REDIC1: variants seen among roughly 807,000 people sequenced by gnomAD.
The protein encoded by REDIC1 is HEI10 Interacting Protein 1.
the REDIC1 span, among the ~76,000 whole-genome samples, chr12:39,762,686 G>A: frequency 2.6e-5 from 4 of 152,032 alleles, no homozygotes; most frequent in African/African-American, 9.7e-5. Context: ...TTTATTAAAT[G>A]AGGAATATAA....
chr12:39,765,522 C>G, the REDIC1 span, among the ~76,000 whole-genome samples: 1 of 152,024 alleles, frequency 6.6e-6, no homozygotes, highest in Non-Finnish European at 1.5e-5. Flanking sequence ...CAAAAACATT[C>G]CTATCCCCTA....
the REDIC1 span, among the ~76,000 whole-genome samples, chr12:39,636,692 G>T: frequency 6.6e-6 from 1 of 151,894 alleles, no homozygotes; most frequent in Non-Finnish European, 1.5e-5. Flanking sequence ...AGTTTCTTTT[G>T]CATGACACAA....
At chr12:39,872,631 C>G in the REDIC1 span, among the ~76,000 whole-genome samples, 1 of 152,170 alleles carries the variant, frequency 6.6e-6, no homozygotes, top group Non-Finnish European at 1.5e-5. Context: ...TTTTAAAAGA[C>G]CATAATGCCA....
chr12:39,858,200 G>T, the REDIC1 span, among the ~76,000 whole-genome samples: 2 of 152,208 alleles, frequency 1.3e-5, no homozygotes, highest in East Asian at 3.8e-4. Flanking sequence ...GTTAGCAAAA[G>T]ATATGTGCAG....
the REDIC1 span, among the ~76,000 whole-genome samples, chr12:39,751,196 G>C: frequency 6.6e-6 from 1 of 152,038 alleles, no homozygotes; most frequent in Admixed American, 6.6e-5. Flanking sequence ...AATGTACAAT[G>C]AACTCCAACA....
chr12:39,739,864 ATGT>A, the REDIC1 span, among the ~76,000 whole-genome samples: 1 of 152,178 alleles, frequency 6.6e-6, no homozygotes, highest in Non-Finnish European at 1.5e-5. Flanking sequence ...AGCAGATGTG[ATGT>A]TGTGCCAATT....
At chr12:39,742,053 A>G in the REDIC1 span, among the ~76,000 whole-genome samples, 1 of 152,214 alleles carries the variant, frequency 6.6e-6, no homozygotes, top group East Asian at 1.9e-4. Flanking sequence ...CTAAATTCCA[A>G]AATGGTGGGG....
chr12:39,884,850 A>T, the REDIC1 span, among the ~76,000 whole-genome samples: 2 of 152,224 alleles, frequency 1.3e-5, no homozygotes, highest in Non-Finnish European at 2.9e-5. Context: ...GGAATTCAAG[A>T]TGCAAGTTAT....
chr12:39,712,981 A>G, the REDIC1 span, among the ~76,000 whole-genome samples: 1 of 20,150 alleles, frequency 5.0e-5, no homozygotes, highest in African/African-American at 1.8e-4. Context: ...ATGTATATAT[A>G]CATGTGTATA....
the REDIC1 span, among the ~76,000 whole-genome samples, chr12:39,896,038 T>G: frequency 6.8e-6 from 1 of 147,206 alleles, no homozygotes; most frequent in African/African-American, 2.5e-5. Flanking sequence ...ATGCATATGT[T>G]TATATACGCA....
the REDIC1 span, among the ~76,000 whole-genome samples, chr12:39,713,374 A>G: frequency 7.3e-6 from 1 of 136,086 alleles, no homozygotes; most frequent in African/African-American, 2.7e-5. Flanking sequence ...GTATACACAT[A>G]TACATATGTA....
At chr12:39,811,150 A>G in the REDIC1 span, among the ~76,000 whole-genome samples, 3 of 152,008 alleles carry the variant, frequency 2.0e-5, no homozygotes, top group Non-Finnish European at 4.4e-5. Flanking sequence ...TTCTCCATTT[A>G]TTAGAAGTGC....
At chr12:39,684,298 G>C in the REDIC1 span, 1 of 933,764 alleles carries the variant, frequency 1.1e-6, no homozygotes. Flanking sequence ...AGCTAAAATA[G>C]TCCTAACTTT....
At chr12:39,762,006 A>ATTCT in the REDIC1 span, among the ~76,000 whole-genome samples, 37 of 152,230 alleles carry the variant, frequency 2.4e-4, no homozygotes, top group African/African-American at 7.0e-4. Context: ...TTGATTACAG[A>ATTCT]TTCTTTCTTG....
At chr12:39,766,800 A>C in the REDIC1 span, among the ~76,000 whole-genome samples, 25 of 151,564 alleles carry the variant, frequency 1.6e-4, no homozygotes, top group Non-Finnish European at 3.5e-4. Context: ...TTAAGAAACA[A>C]CTCCTTATCC....
chr12:39,683,296 A>G, the REDIC1 span: 1 of 1,098,014 alleles, frequency 9.1e-7, no homozygotes, highest in South Asian at 1.4e-5. Context: ...GCTTCCTATT[A>G]TATAACATTG....
At chr12:39,753,595 A>T in the REDIC1 span, among the ~76,000 whole-genome samples, 5 of 152,314 alleles carry the variant, frequency 3.3e-5, no homozygotes, top group African/African-American at 1.2e-4. Flanking sequence ...CTGGGAGGAC[A>T]TATGTCAAAG....
the REDIC1 span, among the ~76,000 whole-genome samples, chr12:39,633,439 C>G: frequency 6.6e-6 from 1 of 152,076 alleles, no homozygotes; most frequent in Non-Finnish European, 1.5e-5. Flanking sequence ...TTCTGGAACA[C>G]CTTCTGAAGG....
the REDIC1 span, among the ~76,000 whole-genome samples, chr12:39,840,666 C>A: frequency 6.6e-6 from 1 of 151,926 alleles, no homozygotes; most frequent in Non-Finnish European, 1.5e-5. Context: ...ACTTCCTGAC[C>A]CCAGCAGAAT....
Sources: allele counts gnomAD v4.1 joint callset (sites outside exome capture counted in the v4.1 genomes callset), GRCh38; gene constraint gnomAD v4.1.1; transcripts MANE v1.5; gene names NCBI Gene and HGNC (gene_info 2026-07-23, HGNC 2026-07-21).